MERTK: variants seen among roughly 807,000 people sequenced by gnomAD.
MERTK encodes the protein tyrosine-protein kinase Mer.
MERTK carries 69 observed loss-of-function variants against 99.3 expected under a neutral mutation model. That is an observed-to-expected ratio of 0.70 (90% CI 0.57 to 0.85). The LOEUF is 0.85. Among genes scored for constraint, MERTK ranks in the 40% least tolerant of loss-of-function variants. MERTK has a pLI of 0.00. For synonymous variants in MERTK, 426 were observed against 467.6 expected (o/e 0.91, Z 1.15); for missense variants, 1,125 against 1,249.4 (o/e 0.90, Z 1.50).
At chr2:111,938,715 T>C (rs2104696212) in intron 2 of MERTK, among the ~76,000 whole-genome samples, 1 of 152,350 alleles carries the variant, frequency 6.6e-6, no homozygotes, top group East Asian at 1.9e-4. Context: ...GGCCAAAATC[T>C]GATGAGATTT....
chr2:112,009,084 A>C (rs962132858), intron 14 of MERTK, among the ~76,000 whole-genome samples: 2 of 152,214 alleles, frequency 1.3e-5, no homozygotes, highest in African/African-American at 4.8e-5. Context: ...AGTAACCTGG[A>C]AATAATTGAA....
chr2:111,980,841 AG>A (rs1226190854), intron 7 of MERTK, among the ~76,000 whole-genome samples: 3 of 152,176 alleles, frequency 2.0e-5, no homozygotes, highest in Non-Finnish European at 4.4e-5. Flanking sequence ...TGGCTTGCTG[AG>A]TTAATTATAC....
chr2:111,960,256 G>T (rs1316185738), intron 4 of MERTK, among the ~76,000 whole-genome samples: 1 of 152,036 alleles, frequency 6.6e-6, no homozygotes, highest in Non-Finnish European at 1.5e-5. Flanking sequence ...TGAGGCAGGT[G>T]GATCACCTGA....
At position 111,917,880 on chromosome 2, in the gene MERTK, T is replaced by TC. The variant is rs1684382474; in HGVS notation, c.62-11239dup. The stretch of plus-strand genomic sequence containing the variant: ...AGCCTGGTGACAGAGTGAGACTCTG[T>TC]CTTAAAAAAAAAAAAAAATGCCAAA... On this transcript the variant is annotated intron_variant, in intron 1 of 18. Transcript: ENST00000295408. Among the ~76,000 whole-genome samples, 3 of 82,580 alleles carry TC rather than the reference T, an allele frequency of 3.6e-5. No homozygotes were observed. The South Asian group carries it at 1.2e-3, about 33-fold the overall frequency. 54.2% of individuals were successfully genotyped at this position (82,580 alleles called of 152,430 possible). A position where few individuals can be genotyped will look rare whatever the true frequency, so the allele number is the denominator to read the frequency against.
chr2:111,999,652 C>T (rs915435148), intron 10 of MERTK, among the ~76,000 whole-genome samples: 5 of 152,178 alleles, frequency 3.3e-5, no homozygotes, highest in African/African-American at 1.2e-4. Context: ...ACAGAGATTT[C>T]TCATATGCTC....
chr2:111,925,293 T>TATATATATATATATATA (rs1553446655), intron 1 of MERTK, among the ~76,000 whole-genome samples: 54 of 29,656 alleles, frequency 1.8e-3, no homozygotes, highest in African/African-American at 2.3e-3. Context: ...TATATATATA[T>TATATATATATATATATA]TTTTTTTTTT....
At position 111,898,919 on chromosome 2, in the gene MERTK, C is replaced by T. The variant is rs6728711; in HGVS notation, c.61+123C>T. ...GCTGCTGGACAAGTTTGCAAACACC[C>T]TCCACCCACTGCGGTGCCAGAGGAG... On this transcript the variant is annotated intron_variant, in intron 1 of 18. Coordinates refer to ENST00000295408, the MANE Select transcript of MERTK (RefSeq NM_006343.3). 1,662 of 1,010,360 alleles carry T rather than the reference C, an allele frequency of 1.6e-3. 24 individuals carry two copies. In the African/African-American group the frequency reaches 0.025, roughly 15 times the overall value. The allele number at this position is 1,010,360 out of a possible 1,614,324, so 62.6% of individuals were successfully genotyped here. A position where few individuals can be genotyped will look rare whatever the true frequency, so the allele number is the denominator to read the frequency against.
At chr2:112,005,979 C>T (rs1036864055) in intron 13 of MERTK, among the ~76,000 whole-genome samples, 1 of 152,068 alleles carries the variant, frequency 6.6e-6, no homozygotes, top group Non-Finnish European at 1.5e-5. Context: ...CCTCTGGGTT[C>T]GAGCAATTCT....
chr2:111,943,359 G>A (rs566373137), intron 2 of MERTK, among the ~76,000 whole-genome samples: 12 of 152,076 alleles, frequency 7.9e-5, no homozygotes, highest in Non-Finnish European at 1.5e-4. Context: ...AAATCCTCTG[G>A]AGAGCATCTG....
At position 111,965,247 on chromosome 2, in the gene MERTK, G is replaced by A. The variant is rs140065278; in HGVS notation, c.814G>A (p.Val272Met). ...GGCCCACAATGACAAAGGGCTGACC[G>A]TGTCCAAGGGAGTGCAGATCAACAT... Reference protein sequence around the residue: ...CEAHNDKGLTVSKGVQINIKA... With the variant: ...CEAHNDKGLTMSKGVQINIKA... The change falls in exon 5 of 19, where the codon GTG (valine) becomes ATG (methionine). Residue 272 changes from valine (V) to methionine (M), a missense_variant. Transcript: ENST00000295408. The A allele has an allele frequency of 4.4e-5, 71 of 1,614,066 alleles. 1 individual carries two copies. The highest frequency in any genetic ancestry group is 3.7e-4 in the African/African-American group (28 of 74,932).
chr2:111,900,499 G>A (rs560087116), intron 1 of MERTK, among the ~76,000 whole-genome samples: 11 of 152,298 alleles, frequency 7.2e-5, no homozygotes, highest in African/African-American at 2.6e-4. Flanking sequence ...TAGTGAATGT[G>A]GTGAGAACTA....
At chr2:112,015,082 C>T (rs188486104) in intron 15 of MERTK, among the ~76,000 whole-genome samples, 1 of 152,280 alleles carries the variant, frequency 6.6e-6, no homozygotes, top group African/African-American at 2.4e-5. Flanking sequence ...TATCTTTTCA[C>T]CTGTTTAGGG....
chr2:111,912,325 G>A (rs1684266319), intron 1 of MERTK, among the ~76,000 whole-genome samples: 1 of 152,070 alleles, frequency 6.6e-6, no homozygotes, highest in Non-Finnish European at 1.5e-5. Context: ...CTCTTAATGG[G>A]CATTTAGGTT....
At chr2:112,018,671 C>T (rs1677266752) in intron 15 of MERTK, among the ~76,000 whole-genome samples, 1 of 152,164 alleles carries the variant, frequency 6.6e-6, no homozygotes, top group South Asian at 2.1e-4. Flanking sequence ...TGCACTAAAA[C>T]ACTTAATTAC....
chr2:111,994,928 G>C (rs1433171880), intron 9 of MERTK, among the ~76,000 whole-genome samples: 1 of 152,140 alleles, frequency 6.6e-6, no homozygotes, highest in East Asian at 1.9e-4. Flanking sequence ...AACTTACTTG[G>C]AAGATTAGTC....
At chr2:112,027,962 C>T (rs1175527688) in intron 18 of MERTK, among the ~76,000 whole-genome samples, 1 of 152,164 alleles carries the variant, frequency 6.6e-6, no homozygotes, top group Non-Finnish European at 1.5e-5. Context: ...CATAAGAAGT[C>T]ATAGATAACG....
At chr2:111,927,117 A>G (rs1487263061) in intron 1 of MERTK, among the ~76,000 whole-genome samples, 1 of 152,230 alleles carries the variant, frequency 6.6e-6, no homozygotes, top group Non-Finnish European at 1.5e-5. Flanking sequence ...ACCTCAGGAT[A>G]AGGAAAAGTC....
intron 7 of MERTK, among the ~76,000 whole-genome samples, chr2:111,977,732 T>C (rs1676282912): frequency 6.6e-6 from 1 of 152,174 alleles, no homozygotes; most frequent in Non-Finnish European, 1.5e-5. Flanking sequence ...GATGATCTGT[T>C]ATTATTTTCC....
At chr2:111,942,109 C>A (rs1263535885) in intron 2 of MERTK, among the ~76,000 whole-genome samples, 1 of 152,248 alleles carries the variant, frequency 6.6e-6, no homozygotes, top group East Asian at 1.9e-4. Flanking sequence ...TCTCTGGTCC[C>A]TGTCTCCCTG....
Sources: allele counts gnomAD v4.1 joint callset (sites outside exome capture counted in the v4.1 genomes callset), GRCh38; gene constraint gnomAD v4.1.1; transcripts MANE v1.5; gene names NCBI Gene and HGNC (gene_info 2026-07-23, HGNC 2026-07-21).